SESN1: variants seen among roughly 807,000 people sequenced by gnomAD.
SESN1 encodes sestrin 1.
Under a neutral mutation model 59.3 loss-of-function variants are expected in SESN1, and 30 were observed. That is an observed-to-expected ratio of 0.51 (90% confidence interval 0.38 to 0.69). The LOEUF (loss-of-function observed/expected upper bound fraction) is 0.69, where lower values mean the gene tolerates loss of function less well. Among genes scored for constraint, SESN1 ranks in the 30% least tolerant of loss-of-function variants. The probability of loss-of-function intolerance (pLI) is 0.00; values close to 1 mark genes in which losing one functional copy is unlikely to be tolerated. For missense variants in SESN1, 566 were observed against 673.0 expected, an observed-to-expected ratio of 0.84 and a Z score of 1.76; for synonymous variants, 197 against 219.9, an observed-to-expected ratio of 0.90 and a Z score of 0.92.
At chr6:109,033,943 G>A (rs1780219121) in intron 1 of SESN1, among the ~76,000 whole-genome samples, 1 of 152,174 alleles carries the variant, frequency 6.6e-6, no homozygotes, top group Non-Finnish European at 1.5e-5. Context: ...CAGCATTAGA[G>A]TCTAACAACC....
At chr6:109,023,407 T>C (rs545964268) in intron 1 of SESN1, among the ~76,000 whole-genome samples, 1 of 152,370 alleles carries the variant, frequency 6.6e-6, no homozygotes, top group East Asian at 1.9e-4. Flanking sequence ...CTTGACAGTT[T>C]ACCATGCTAA....
intron 1 of SESN1, among the ~76,000 whole-genome samples, chr6:109,020,695 C>A (rs977918104): frequency 2.6e-5 from 4 of 152,166 alleles, no homozygotes; most frequent in African/African-American, 9.7e-5. Context: ...GATTTCATCA[C>A]TGTTATATTT....
chr6:109,009,300 C>T (rs1779806458), intron 1 of SESN1: 1 of 1,400,110 alleles, frequency 7.1e-7, no homozygotes, highest in Non-Finnish European at 9.4e-7. Context: ...CAGGGCAGCT[C>T]GGCCGGGTGC....
rs745513653 is a variant in SESN1 at position 109,093,869 on chromosome 6, G to T, written c.205C>A (p.Leu69Met). The T allele has an allele frequency of 1.2e-6, 2 of 1,614,184 alleles. No individual in the cohort carries two copies. Among genetic ancestry groups the T allele is most frequent in the Non-Finnish European group, 1.7e-6 (2 of 1,180,018 alleles). The change falls in exon 1 of 10, where the codon CTG becomes ATG. Residue 69 changes from leucine to methionine, a missense_variant. By Grantham distance (15) the Leu-to-Met change is conservative. Transcript: ENST00000436639. ...SDGLNKLLAH[L>M]LMLSKRCPFK... ...GGACACCTCTTAGAAAGCATAAGCA[G>T]ATGAGCAAGTAGCTTATTCAACCCA...
intron 1 of SESN1, among the ~76,000 whole-genome samples, chr6:109,046,087 T>C (rs1031456200): frequency 2.0e-5 from 3 of 151,152 alleles, no homozygotes; most frequent in Non-Finnish European, 4.4e-5. Flanking sequence ...TGCAATAAGA[T>C]AATGTAGCTC....
intron 8 of SESN1, among the ~76,000 whole-genome samples, chr6:108,989,081 C>G (rs1187142504): frequency 1.3e-5 from 2 of 152,170 alleles, no homozygotes. Flanking sequence ...TGGCTTATTG[C>G]AACCTCTGCT....
At chr6:109,013,621 C>T (rs1205841724) in intron 1 of SESN1, among the ~76,000 whole-genome samples, 1 of 152,186 alleles carries the variant, frequency 6.6e-6, no homozygotes, top group Non-Finnish European at 1.5e-5. Context: ...AAACCCTGTA[C>T]TATAGATTTG....
At chr6:109,022,753 C>A (rs1192522598) in intron 1 of SESN1, among the ~76,000 whole-genome samples, 2 of 151,976 alleles carry the variant, frequency 1.3e-5, no homozygotes. Context: ...ATTTAACTAT[C>A]ATAACACCTT....
At chr6:109,038,755 G>A (rs901093307) in intron 1 of SESN1, among the ~76,000 whole-genome samples, 1 of 152,174 alleles carries the variant, frequency 6.6e-6, no homozygotes, top group Non-Finnish European at 1.5e-5. Context: ...ATTTGCATAA[G>A]TTAAGTGTAT....
At chr6:109,012,822 G>T (rs544467603) in intron 1 of SESN1, among the ~76,000 whole-genome samples, 1 of 152,140 alleles carries the variant, frequency 6.6e-6, no homozygotes, top group Non-Finnish European at 1.5e-5. Context: ...TTAGGTAAAA[G>T]ATAAGCAGTA....
At chr6:109,000,242 C>T (rs1285671772) in intron 4 of SESN1, 3 of 303,094 alleles carry the variant, frequency 9.9e-6, no homozygotes, top group Non-Finnish European at 1.8e-5. Flanking sequence ...AGGCATTTGT[C>T]AAAATGTGTA....
intron 1 of SESN1, among the ~76,000 whole-genome samples, chr6:109,024,999 C>A (rs542285855): frequency 6.6e-6 from 1 of 152,086 alleles, no homozygotes; most frequent in Non-Finnish European, 1.5e-5. Flanking sequence ...TCTAGGGAGA[C>A]AGTGAGCACT....
intron 1 of SESN1, among the ~76,000 whole-genome samples, chr6:109,064,595 G>A (rs1562472198): frequency 2.2e-4 from 1 of 4,610 alleles, no homozygotes; most frequent in Non-Finnish European, 7.0e-4. Flanking sequence ...GAGGAGAGGG[G>A]AGGGGAGGGG....
chr6:109,024,509 G>A (rs759834343), intron 1 of SESN1, among the ~76,000 whole-genome samples: 13 of 152,280 alleles, frequency 8.5e-5, no homozygotes, highest in Non-Finnish European at 1.8e-4. Context: ...CTCGATATTA[G>A]TGCTTCTTAC....
At chr6:109,043,548 C>G (rs1016663553) in intron 1 of SESN1, among the ~76,000 whole-genome samples, 1 of 152,030 alleles carries the variant, frequency 6.6e-6, no homozygotes, top group African/African-American at 2.4e-5. Context: ...AGTTAATATA[C>G]AAGAGTGAAT....
chr6:109,045,921 T>C (rs957449246), intron 1 of SESN1, among the ~76,000 whole-genome samples: 6 of 152,226 alleles, frequency 3.9e-5, no homozygotes, highest in Middle Eastern at 3.2e-3. Context: ...AGAACTCTGA[T>C]TGAAAATAAG....
intron 1 of SESN1, among the ~76,000 whole-genome samples, chr6:109,054,104 A>G (rs1002653529): frequency 1.3e-5 from 2 of 151,988 alleles, no homozygotes; most frequent in Admixed American, 1.3e-4. Context: ...GGGATCTGGG[A>G]AAAATTCCCT....
In SESN1 at chr6:109,009,059, A is replaced by G. The variant is rs912561631; in HGVS notation, c.280-6716T>C. On this transcript the variant is annotated intron_variant, in intron 1 of 9. Transcript: ENST00000436639. ...GTCCAGACGACAATGTTATTTACGTATTGGAGACTTTCATTTACATGACCG... is the reference window on the plus strand; with the variant it reads ...GTCCAGACGACAATGTTATTTACGTGTTGGAGACTTTCATTTACATGACCG... 1.6e-5 allele frequency: 15 copies of G among 935,764 alleles called. No homozygotes were observed. The African/African-American group carries it at 1.7e-4, about 11-fold the overall frequency. The allele number at this position is 935,764 out of a possible 1,614,324, so 58.0% of individuals were successfully genotyped here.
chr6:108,997,099 G>A (rs1369424183), intron 5 of SESN1, among the ~76,000 whole-genome samples: 1 of 151,956 alleles, frequency 6.6e-6, no homozygotes, highest in East Asian at 1.9e-4. Flanking sequence ...TACTGGATAT[G>A]TACCTAAAGA....
Sources: allele counts gnomAD v4.1 joint callset (sites outside exome capture counted in the v4.1 genomes callset), GRCh38; gene constraint gnomAD v4.1.1; transcripts MANE v1.5; gene names NCBI Gene and HGNC (gene_info 2026-07-23, HGNC 2026-07-21).